The following APELA variants were observed in gnomAD, a reference collection of about 807,000 sequenced individuals.
APELA encodes the protein protein Elabela.
chr4:164,889,704 C>A (rs554102709), intron 2 of APELA, among the ~76,000 whole-genome samples: 76 of 152,266 alleles, frequency 5.0e-4, no homozygotes, highest in African/African-American at 1.7e-3. Flanking sequence ...CACTGTAGTC[C>A]AGTCGGCCCT....
intron 1 of APELA, among the ~76,000 whole-genome samples, chr4:164,878,218 A>AAGAAAGAAAGAAAGAAAGAAAGAT (rs1730595179): frequency 6.6e-6 from 1 of 152,116 alleles, no homozygotes; most frequent in Admixed American, 6.5e-5. Flanking sequence ...GAAAGAAAGA[A>AAGAAAGAAAGAAAGAAAGAAAGAT]AGAAATTAGA....
At chr4:164,881,334 A>G (rs2111050767) in intron 2 of APELA, among the ~76,000 whole-genome samples, 1 of 152,326 alleles carries the variant, frequency 6.6e-6, no homozygotes, top group Middle Eastern at 3.4e-3. Flanking sequence ...AGGATAGGTA[A>G]GGTAAACAAT....
chr4:164,884,264 C>T (rs542276089), intron 2 of APELA, among the ~76,000 whole-genome samples: 23 of 152,198 alleles, frequency 1.5e-4, no homozygotes, highest in African/African-American at 5.5e-4. Context: ...ACCATTGACT[C>T]CATAGTGCTC....
At chr4:164,889,993 G>T (rs1442595188) in intron 2 of APELA, among the ~76,000 whole-genome samples, 2 of 152,128 alleles carry the variant, frequency 1.3e-5, no homozygotes, top group Non-Finnish European at 2.9e-5. Flanking sequence ...ATGGATTTTG[G>T]TATCCAAGGG....
At chr4:164,881,668 C>G (rs746655334) in intron 2 of APELA, among the ~76,000 whole-genome samples, 1 of 151,862 alleles carries the variant, frequency 6.6e-6, no homozygotes, top group Admixed American at 6.6e-5. Context: ...AAAATGAGGT[C>G]GCGACTTAAG....
At position 164,895,697 on chromosome 4, in the gene APELA, C is replaced by T. The variant is rs566596334; in HGVS notation, c.*283C>T. ...AACAAAAATATCTCATCTTTTCCTGCACATTATTATTCTTTTATGGGTTAA... is the reference window on the plus strand; with the variant it reads ...AACAAAAATATCTCATCTTTTCCTGTACATTATTATTCTTTTATGGGTTAA... On this transcript the variant is annotated 3_prime_UTR_variant, in exon 3 of 3. Coordinates refer to ENST00000507152, the MANE Select transcript of APELA (RefSeq NM_001297550.2). The T allele has an allele frequency of 6.6e-6, 1 of 152,180 alleles. No homozygotes were observed. The highest frequency in any genetic ancestry group is 1.5e-5 in the Non-Finnish European group (1 of 68,038). 9.4% of individuals were successfully genotyped at this position (152,180 alleles called of 1,614,324 possible). A position where few individuals can be genotyped will look rare whatever the true frequency, so the allele number is the denominator to read the frequency against.
At position 164,896,821 on chromosome 4, in the gene APELA, C is replaced by T. The variant is rs909287216; in HGVS notation, c.*1407C>T. 1 of 151,894 alleles carries T rather than the reference C, an allele frequency of 6.6e-6. No individual in the cohort carries two copies. The highest frequency in any genetic ancestry group is 1.9e-4 in the East Asian group (1 of 5,168). The allele number at this position is 151,894 out of a possible 1,614,324, so 9.4% of individuals were successfully genotyped here. ...CTTTTTTTTAAGATGAGATCTGGCTCTATCACCCAGGCTAAAGTGCAGTGG... is the reference window on the plus strand; with the variant it reads ...CTTTTTTTTAAGATGAGATCTGGCTTTATCACCCAGGCTAAAGTGCAGTGG... On this transcript the variant is annotated 3_prime_UTR_variant, in exon 3 of 3. Transcript: ENST00000507152.
At chr4:164,881,174 T>C (rs1730646164) in intron 2 of APELA, among the ~76,000 whole-genome samples, 1 of 152,334 alleles carries the variant, frequency 6.6e-6, no homozygotes, top group Non-Finnish European at 1.5e-5. Flanking sequence ...ACAAAGGCAC[T>C]TTGATAACTG....
intron 2 of APELA, among the ~76,000 whole-genome samples, chr4:164,882,228 C>G (rs1025170886): frequency 3.9e-5 from 6 of 152,020 alleles, no homozygotes; most frequent in Non-Finnish European, 8.8e-5. Flanking sequence ...CTCAGCCTCC[C>G]GAGTAGCTGG....
intron 2 of APELA, among the ~76,000 whole-genome samples, chr4:164,890,032 T>C (rs920242204): frequency 1.3e-5 from 2 of 152,206 alleles, no homozygotes; most frequent in Non-Finnish European, 2.9e-5. Flanking sequence ...CCAGGGATAC[T>C]GAGGGATGAT....
intron 2 of APELA, among the ~76,000 whole-genome samples, chr4:164,894,336 CA>C (rs34056903): frequency 6.6e-6 from 1 of 151,304 alleles, no homozygotes; most frequent in Non-Finnish European, 1.5e-5. Context: ...GTTTGATAAG[CA>C]AAAAAAATCC....
chr4:164,878,526 TC>T (rs987203293), intron 1 of APELA, among the ~76,000 whole-genome samples: 18 of 152,360 alleles, frequency 1.2e-4, no homozygotes, highest in Admixed American at 9.1e-4. Context: ...CAGTCACTAT[TC>T]AAACCATTTA....
At chr4:164,894,482 T>C (rs1037829148) in intron 2 of APELA, among the ~76,000 whole-genome samples, 17 of 152,090 alleles carry the variant, frequency 1.1e-4, no homozygotes, top group Non-Finnish European at 4.4e-5. Context: ...AGTGGCTTGA[T>C]CTGGGGTCAC....
rs1304623309 is a variant in APELA, at chr4:164,896,336, T to G, written c.*922T>G. Reference sequence around the variant, plus strand: ...GGTCTTGAACTCAGGCTGGAACCATTCATTTTTTAACCTTTCTCATCATGT... The same window carrying G: ...GGTCTTGAACTCAGGCTGGAACCATGCATTTTTTAACCTTTCTCATCATGT... On this transcript the variant is annotated 3_prime_UTR_variant, in exon 3 of 3. Transcript: ENST00000507152. The G allele has an allele frequency of 1.3e-5, 2 of 152,260 alleles. No homozygotes were observed. Among genetic ancestry groups the G allele is most frequent in the South Asian group, 2.1e-4 (1 of 4,808 alleles). 9.4% of individuals were successfully genotyped at this position (152,260 alleles called of 1,614,324 possible). A position where few individuals can be genotyped will look rare whatever the true frequency, so the allele number is the denominator to read the frequency against.
chr4:164,878,806 A>G, intron 1 of APELA, 114 bp from the exon 2 acceptor site: 1 of 397,298 alleles, frequency 2.5e-6, no homozygotes, highest in Non-Finnish European at 4.4e-6. Flanking sequence ...ACATTTGAAC[A>G]AATGGCAAAT....
intron 2 of APELA, among the ~76,000 whole-genome samples, chr4:164,893,559 ATTCT>A (rs1459816801): frequency 1.2e-4 from 18 of 152,070 alleles, no homozygotes; most frequent in Non-Finnish European, 2.1e-4. Flanking sequence ...TATAAATGTC[ATTCT>A]TTGTCTCTAG....
At chr4:164,878,797 C>T (rs1730604061) in intron 1 of APELA, 123 bp from the exon 2 acceptor site, 1 of 396,566 alleles carries the variant, frequency 2.5e-6, no homozygotes, top group Non-Finnish European at 4.4e-6. Context: ...TTTATAATCA[C>T]ATTTGAACAA....
intron 1 of APELA, among the ~76,000 whole-genome samples, chr4:164,878,196 A>G (rs199971025): frequency 7.0e-6 from 1 of 143,382 alleles, no homozygotes; most frequent in African/African-American, 2.6e-5. Context: ...AGAAACAGAA[A>G]AAAGAAAGAA....
chr4:164,883,261 G>A lies in APELA; in HGVS notation c.*1+4252G>A, dbSNP rs77582194. ...CTCCAACTTTAGCTGGGCTCTCTGG[G>A]AAGAACTCTTCTGCACTTCATATTC... is the stretch of plus-strand genomic sequence containing the variant. On this transcript the variant is annotated intron_variant, in intron 2 of 2. Transcript: ENST00000507152. Among the ~76,000 whole-genome samples, 45 of 152,244 alleles carry A rather than the reference G, an allele frequency of 3.0e-4. No homozygotes were observed. In the East Asian group the frequency reaches 8.5e-3, roughly 29 times the overall value.
Sources: gnomAD v4.1 joint callset for allele counts (sites outside exome capture counted in the v4.1 genomes callset) on GRCh38, gnomAD v4.1.1 for gene constraint, MANE v1.5 for transcripts, NCBI Gene and HGNC (gene_info 2026-07-23, HGNC 2026-07-21) for gene names.